The following VSNL1 variants were observed in gnomAD, a reference collection of about 807,000 sequenced individuals.
VSNL1 encodes visinin-like protein 1.
Under a neutral mutation model 20.4 loss-of-function variants are expected in VSNL1, and 6 were observed. The observed-to-expected ratio is 0.29, with a 90% confidence interval of 0.16 to 0.58. The LOEUF is 0.58. Ranked by LOEUF, VSNL1 falls within the 20% of genes least tolerant of loss-of-function variation. VSNL1 has a pLI of 0.90. For missense variants in VSNL1, 100 were observed against 234.5 expected (o/e 0.43, Z 3.75); for synonymous variants, 93 against 86.4 (o/e 1.08, Z -0.42).
Position 17,592,198 on chromosome 2 carries a change from A to C in VSNL1, c.124A>C (p.Arg42=). 6.2e-7 allele frequency: 1 copy of C among 1,613,808 alleles called. No homozygotes were observed. Among genetic ancestry groups the C allele is most frequent in the Non-Finnish European group, 8.5e-7 (1 of 1,179,762 alleles). ...KGFLKDCPSG[R]LNLEEFQQLY... ...ATTTCTCAAGGACTGTCCAAGTGGGAGGCTAAATCTCGAGGAATTTCAGCA... is the reference window on the plus strand; with the variant it reads ...ATTTCTCAAGGACTGTCCAAGTGGGCGGCTAAATCTCGAGGAATTTCAGCA... Residue 42 remains arginine (R), a synonymous_variant, in exon 2 of 4, where the codon AGG becomes CGG. Transcript: ENST00000295156.
intron 2 of VSNL1, among the ~76,000 whole-genome samples, chr2:17,638,200 C>T (rs1427310083): frequency 3.3e-5 from 5 of 152,152 alleles, no homozygotes; most frequent in African/African-American, 4.8e-5. Context: ...AAGTATGTGA[C>T]CCTGGGCAGG....
At chr2:17,647,148 CTAAAT>C (rs1666016252) in intron 2 of VSNL1, among the ~76,000 whole-genome samples, 2 of 152,130 alleles carry the variant, frequency 1.3e-5, no homozygotes, top group South Asian at 4.2e-4. Flanking sequence ...TTTTTTAGAC[CTAAAT>C]TAATTTTTAA....
At chr2:17,641,340 C>A (rs1174830427) in intron 2 of VSNL1, among the ~76,000 whole-genome samples, 1 of 152,226 alleles carries the variant, frequency 6.6e-6, no homozygotes, top group Non-Finnish European at 1.5e-5. Context: ...CAAGCACCTT[C>A]AAAGATCCTC....
chr2:17,565,761 G>T (rs1663922457), intron 1 of VSNL1, among the ~76,000 whole-genome samples: 1 of 152,146 alleles, frequency 6.6e-6, no homozygotes, highest in African/African-American at 2.4e-5. Flanking sequence ...AGATGGTTTG[G>T]CTGTGTCCCC....
chr2:17,569,619 T>C (rs1405038417), intron 1 of VSNL1, among the ~76,000 whole-genome samples: 1 of 152,182 alleles, frequency 6.6e-6, no homozygotes, highest in Non-Finnish European at 1.5e-5. Context: ...CTGTGCTCCA[T>C]TCCAGATAAT....
intron 2 of VSNL1, among the ~76,000 whole-genome samples, chr2:17,646,686 C>T (rs1242940142): frequency 2.6e-5 from 4 of 152,046 alleles, no homozygotes; most frequent in South Asian, 2.1e-4. Context: ...TTACTGCCAT[C>T]GAATATTACT....
rs1200785955 is a variant in VSNL1 at position 17,649,457 on chromosome 2, A to G, written c.210A>G (p.Arg70=). The G allele has an allele frequency of 6.2e-7, 1 of 1,614,032 alleles. No individual in the cohort carries two copies. ...DASKFAQHAF[R]TFDKNGDGTI... ...CCAAGTTTGCCCAGCATGCCTTCCG[A>G]ACCTTCGACAAGAATGGGGACGGCA... Residue 70 remains arginine (R), a synonymous_variant, in exon 3 of 4, where the codon CGA becomes CGG. Coordinates refer to ENST00000295156, the MANE Select transcript of VSNL1 (RefSeq NM_003385.5). This position sits in a 1 kb window ranked among gnomAD's most constrained non-coding sequence, Gnocchi z 6.4.
In VSNL1 at chr2:17,555,175, T is replaced by A. The variant is rs530831841; in HGVS notation, c.-6+14257T>A. 7.2e-5 allele frequency among the ~76,000 whole-genome samples: 11 copies of A among 152,284 alleles called. No individual in the cohort carries two copies. The East Asian group carries it at 2.1e-3, about 29-fold the overall frequency. On this transcript the variant is annotated intron_variant, in intron 1 of 3. Coordinates refer to ENST00000295156, the MANE Select transcript of VSNL1 (RefSeq NM_003385.5). Reference sequence around the variant, plus strand: ...TGGCAGAGGCTTGGGCCCTAGAAAGTAGTAGGCCTGAGAGGTCATAACACT... The same window carrying A: ...TGGCAGAGGCTTGGGCCCTAGAAAGAAGTAGGCCTGAGAGGTCATAACACT...
intron 2 of VSNL1, among the ~76,000 whole-genome samples, chr2:17,633,188 C>T (rs1665674151): frequency 6.6e-6 from 1 of 152,012 alleles, no homozygotes; most frequent in Non-Finnish European, 1.5e-5. Context: ...ATAAAACCAT[C>T]AGATCTCGTG....
chr2:17,587,538 G>T (rs943766135), intron 1 of VSNL1, among the ~76,000 whole-genome samples: 2 of 152,054 alleles, frequency 1.3e-5, no homozygotes, highest in African/African-American at 4.8e-5. Flanking sequence ...TAAATCCTCT[G>T]CCTCTTCTGC....
chr2:17,543,640 C>A (rs1663343852), intron 1 of VSNL1, among the ~76,000 whole-genome samples: 1 of 152,172 alleles, frequency 6.6e-6, no homozygotes, highest in Non-Finnish European at 1.5e-5. Flanking sequence ...ACTGGTTTAA[C>A]CTGAAGTTGT....
chr2:17,644,821 G>A (rs1439267039), intron 2 of VSNL1, among the ~76,000 whole-genome samples: 1 of 152,232 alleles, frequency 6.6e-6, no homozygotes, highest in African/African-American at 2.4e-5. Context: ...AGGTCATCCA[G>A]AACAGGCTAG....
At chr2:17,630,222 T>C (rs1335609044) in intron 2 of VSNL1, among the ~76,000 whole-genome samples, 1 of 152,244 alleles carries the variant, frequency 6.6e-6, no homozygotes, top group African/African-American at 2.4e-5. Flanking sequence ...GGTTTCACCA[T>C]GGACCCACCT....
chr2:17,548,103 A>G (rs1186188404), intron 1 of VSNL1, among the ~76,000 whole-genome samples: 1 of 151,884 alleles, frequency 6.6e-6, no homozygotes, highest in African/African-American at 2.4e-5. Context: ...CCTATGAGCT[A>G]CTCTTTCATT....
intron 2 of VSNL1, among the ~76,000 whole-genome samples, chr2:17,642,702 G>A (rs533725956): frequency 1.6e-4 from 24 of 152,302 alleles, no homozygotes; most frequent in African/African-American, 5.3e-4. Context: ...GAACTTCTCT[G>A]GGAGTTCATG....
rs148092714 is a variant in VSNL1, at chr2:17,621,549, C to G, written c.163-27861C>G. Among the ~76,000 whole-genome samples the G allele has an allele frequency of 8.5e-3, 1,292 of 152,268 alleles. 11 individuals carry two copies. Among genetic ancestry groups the G allele is most frequent in the African/African-American group, 0.029 (1,214 of 41,548 alleles). ...ATGTTGGCCAGGCTGGTCTCGAACT[C>G]CTGACCTCAAGTTATCTGCCCGCCT... On this transcript the variant is annotated intron_variant, in intron 2 of 3. Transcript: ENST00000295156.
chr2:17,620,677 A>G (rs1665333845), intron 2 of VSNL1, among the ~76,000 whole-genome samples: 1 of 152,236 alleles, frequency 6.6e-6, no homozygotes, highest in Non-Finnish European at 1.5e-5. Context: ...ATCTTTTGAG[A>G]AAAAGAATTC....
At chr2:17,541,903 G>T (rs955482807) in intron 1 of VSNL1, among the ~76,000 whole-genome samples, 2 of 152,144 alleles carry the variant, frequency 1.3e-5, no homozygotes, top group Non-Finnish European at 2.9e-5. Context: ...TGAGTGCTCC[G>T]CATTGCCTGA....
intron 1 of VSNL1, among the ~76,000 whole-genome samples, chr2:17,590,887 C>A (rs1295579670): frequency 1.3e-5 from 2 of 152,168 alleles, no homozygotes; most frequent in Non-Finnish European, 2.9e-5. Context: ...TTTGAAAGAT[C>A]ATCTGGCACT....
Sources: allele counts gnomAD v4.1 joint callset (sites outside exome capture counted in the v4.1 genomes callset), GRCh38; gene constraint gnomAD v4.1.1; non-coding constraint Gnocchi (gnomAD v3.1); transcripts MANE v1.5; gene names NCBI Gene and HGNC (gene_info 2026-07-23, HGNC 2026-07-21).